Variants in ZSWIM6 observed in about 807,000 individuals in gnomAD.
The protein encoded by ZSWIM6 is zinc finger SWIM-type containing 6, also known as zinc finger SWIM domain-containing protein 6.
Under a neutral mutation model 113.2 loss-of-function variants are expected in ZSWIM6, and 9 were observed. That is an observed-to-expected ratio of 0.08 (90% CI 0.05 to 0.14). ZSWIM6 has a LOEUF of 0.14. Ranked by LOEUF, ZSWIM6 falls within the 10% of genes least tolerant of loss-of-function variation. ZSWIM6 has a pLI of 1.00. For synonymous variants in ZSWIM6, 611 were observed against 606.5 expected (o/e 1.01, Z -0.11); for missense variants, 1,162 against 1,552.2 (o/e 0.75, Z 4.22).
At chr5:61,499,926 C>A (rs1748417513) in intron 4 of ZSWIM6, among the ~76,000 whole-genome samples, 1 of 152,012 alleles carries the variant, frequency 6.6e-6, no homozygotes, top group Admixed American at 6.6e-5. Context: ...TATTTAATCC[C>A]TGAAACAATC....
At chr5:61,426,051 A>C (rs1746456851) in intron 1 of ZSWIM6, among the ~76,000 whole-genome samples, 1 of 152,182 alleles carries the variant, frequency 6.6e-6, no homozygotes, top group African/African-American at 2.4e-5. Flanking sequence ...CTGCTCTTTT[A>C]CACTCAGCTA....
intron 2 of ZSWIM6, among the ~76,000 whole-genome samples, chr5:61,477,404 T>C (rs1747734964): frequency 1.3e-5 from 2 of 152,228 alleles, no homozygotes; most frequent in African/African-American, 4.8e-5. Context: ...GGTTGGCACA[T>C]GACATCTAAG....
rs1231923076 is a variant in ZSWIM6, at chr5:61,399,900, T to C, written c.676+66952T>C. Among the ~76,000 whole-genome samples, 3 of 152,194 alleles carry C rather than the reference T, an allele frequency of 2.0e-5. No homozygotes were observed. The East Asian group carries it at 5.8e-4, about 29-fold the overall frequency. On this transcript the variant is annotated intron_variant, in intron 1 of 13. Coordinates refer to ENST00000252744, the MANE Select transcript of ZSWIM6 (RefSeq NM_020928.2). The stretch of plus-strand genomic sequence containing the variant: ...TCCTGGTTTTGCTGTTTAATGATTG[T>C]TATAACTAAACAAGGCAGTTTGCAG...
chr5:61,355,320 T>A (rs1231273048), intron 1 of ZSWIM6, among the ~76,000 whole-genome samples: 1 of 152,040 alleles, frequency 6.6e-6, no homozygotes, highest in East Asian at 1.9e-4. Flanking sequence ...GAAAGTCAAG[T>A]TGAGATGCCC....
At chr5:61,356,149 G>A (rs986481758) in intron 1 of ZSWIM6, among the ~76,000 whole-genome samples, 3 of 152,150 alleles carry the variant, frequency 2.0e-5, no homozygotes, top group African/African-American at 2.4e-5. Flanking sequence ...TGTCCAAGCT[G>A]GAGTGCAGTG....
intron 3 of ZSWIM6, 136 bp downstream of exon 3, chr5:61,491,070 T>C (rs922211683): frequency 3.8e-6 from 3 of 799,294 alleles, no homozygotes; most frequent in African/African-American, 1.8e-5. Flanking sequence ...ATAGAAACTT[T>C]TGTATTGTAA....
intron 1 of ZSWIM6, among the ~76,000 whole-genome samples, chr5:61,410,994 T>C (rs1474699117): frequency 2.6e-5 from 4 of 152,196 alleles, no homozygotes; most frequent in Non-Finnish European, 5.9e-5. Flanking sequence ...TGGTTAATAA[T>C]ACACTATGGT....
intron 1 of ZSWIM6, among the ~76,000 whole-genome samples, chr5:61,394,854 G>T (rs1182707404): frequency 6.6e-6 from 1 of 152,096 alleles, no homozygotes; most frequent in Non-Finnish European, 1.5e-5. Flanking sequence ...GCTACAGGGG[G>T]TACTAAGTGT....
intron 1 of ZSWIM6, among the ~76,000 whole-genome samples, chr5:61,356,086 C>G (rs1013604317): frequency 3.0e-4 from 45 of 152,026 alleles, no homozygotes; most frequent in African/African-American, 1.0e-3. Flanking sequence ...TTTCAAAACA[C>G]TGTGTGTGTG....
At chr5:61,448,087 A>G (rs1261786194) in intron 1 of ZSWIM6, among the ~76,000 whole-genome samples, 2 of 152,136 alleles carry the variant, frequency 1.3e-5, no homozygotes, top group Non-Finnish European at 2.9e-5. Flanking sequence ...TGAGAAAGGA[A>G]CTCAGATAAG....
intron 1 of ZSWIM6, among the ~76,000 whole-genome samples, chr5:61,406,004 C>T (rs1746036403): frequency 6.6e-6 from 1 of 152,172 alleles, no homozygotes; most frequent in African/African-American, 2.4e-5. Flanking sequence ...TAAATGATAA[C>T]CTTGTCATTC....
chr5:61,536,031 G>T (rs925295167), intron 10 of ZSWIM6, among the ~76,000 whole-genome samples: 1 of 152,154 alleles, frequency 6.6e-6, no homozygotes, highest in Admixed American at 6.5e-5. Flanking sequence ...CTGTAATTCC[G>T]CATTCCATCA....
intron 1 of ZSWIM6, among the ~76,000 whole-genome samples, chr5:61,372,146 T>A (rs1312209411): frequency 6.6e-6 from 1 of 152,186 alleles, no homozygotes; most frequent in Admixed American, 6.5e-5. Context: ...TGGGGCATTA[T>A]TGAAAAGAAA....
intron 1 of ZSWIM6, among the ~76,000 whole-genome samples, chr5:61,346,419 A>G (rs1267438767): frequency 6.6e-6 from 1 of 152,228 alleles, no homozygotes; most frequent in African/African-American, 2.4e-5. Flanking sequence ...AGATAATTCA[A>G]AAGTGGCCTG....
chr5:61,382,773 CCAGCCTGGTTAA>C (rs1383448944), intron 1 of ZSWIM6, among the ~76,000 whole-genome samples: 1 of 151,248 alleles, frequency 6.6e-6, no homozygotes, highest in Non-Finnish European at 1.5e-5. Context: ...CCACTGCACT[CCAGCCTGGTTAA>C]CAGAGCAAGA....
chr5:61,365,876 C>T (rs573839333), intron 1 of ZSWIM6, among the ~76,000 whole-genome samples: 2 of 152,212 alleles, frequency 1.3e-5, no homozygotes, highest in African/African-American at 2.4e-5. Context: ...ACCTTAGTTC[C>T]TCTTCTGTAA....
chr5:61,520,773 A>G (rs1749094145), intron 4 of ZSWIM6, among the ~76,000 whole-genome samples: 1 of 152,176 alleles, frequency 6.6e-6, no homozygotes, highest in South Asian at 2.1e-4. Flanking sequence ...TTATTGTAAA[A>G]AGTAATTTTA....
intron 1 of ZSWIM6, chr5:61,391,316 T>C: frequency 1.2e-6 from 1 of 830,638 alleles, no homozygotes; most frequent in East Asian, 2.4e-5. Context: ...GTGCCTCCCT[T>C]TACCTGGATC....
chr5:61,362,389 G>A (rs1192725189), intron 1 of ZSWIM6, among the ~76,000 whole-genome samples: 1 of 152,022 alleles, frequency 6.6e-6, no homozygotes, highest in Non-Finnish European at 1.5e-5. Flanking sequence ...GTAGAGATGG[G>A]GTTTCGCCAT....
Sources: gnomAD v4.1 joint callset for allele counts (sites outside exome capture counted in the v4.1 genomes callset) on GRCh38, gnomAD v4.1.1 for gene constraint, MANE v1.5 for transcripts, NCBI Gene and HGNC (gene_info 2026-07-23, HGNC 2026-07-21) for gene names.